Variants in HYDIN observed in about 807,000 individuals in gnomAD.
HYDIN encodes axonemal central pair apparatus protein HYDIN.
HYDIN carries 132 observed loss-of-function variants against 403.9 expected under a neutral mutation model. The ratio of observed to expected loss-of-function variants is 0.33; its 90% confidence interval spans 0.28 to 0.38. HYDIN has a LOEUF of 0.38. Among genes scored for constraint, HYDIN ranks in the 10% least tolerant of loss-of-function variants. The pLI is 1.00. For missense variants in HYDIN, 2,827 were observed against 5,009.5 expected (o/e 0.56, Z 13.15); for synonymous variants, 1,202 against 1,891.7 (o/e 0.64, Z 9.46).
At chr16:70,976,248 A>G (rs2078884170) in intron 30 of HYDIN, among the ~76,000 whole-genome samples, 1 of 152,260 alleles carries the variant, frequency 6.6e-6, no homozygotes, top group African/African-American at 2.4e-5. Flanking sequence ...GCTCTATAGG[A>G]GGGGCAGACT....
chr16:71,081,453 C>G (rs1388129730), intron 12 of HYDIN, among the ~76,000 whole-genome samples: 3 of 151,560 alleles, frequency 2.0e-5, no homozygotes, highest in African/African-American at 4.9e-5. Flanking sequence ...ACAAACAGGC[C>G]GACAGGCTAT....
chr16:71,043,191 GA>G (rs1279993597), intron 18 of HYDIN, among the ~76,000 whole-genome samples: 1 of 150,524 alleles, frequency 6.6e-6, no homozygotes, highest in African/African-American at 2.4e-5. Context: ...TTTTGACCAT[GA>G]TTTTTTTTTA....
chr16:70,961,887 A>T, intron 38 of HYDIN, 72 bp downstream of exon 38: 3 of 996,084 alleles, frequency 3.0e-6, no homozygotes, highest in Non-Finnish European at 4.4e-6. Flanking sequence ...AGAAAGTGAC[A>T]AGGTACTGAA....
chr16:70,961,991 TC>T lies in HYDIN; in HGVS notation c.5935del (p.Asp1979MetfsTer34). The T allele has an allele frequency of 7.9e-7, 1 of 1,270,750 alleles. No homozygotes were observed. Among genetic ancestry groups the T allele is most frequent in the Non-Finnish European group, 1.0e-6 (1 of 957,012 alleles). The allele number at this position is 1,270,750 out of a possible 1,614,324, so 78.7% of individuals were successfully genotyped here. A position where few individuals can be genotyped will look rare whatever the true frequency, so the allele number is the denominator to read the frequency against. ...ESKTYLEEEE[D>X]EESLEKIIFQ... Reference sequence around the variant, plus strand: ...AATGATTTTTTCCAGGCTTTCCTCATCCTCCTCTTCCTCTAGGTAGGTTTTG... The same window carrying T: ...AATGATTTTTTCCAGGCTTTCCTCATCTCCTCTTCCTCTAGGTAGGTTTTG... On this transcript the variant is annotated frameshift_variant, in exon 38 of 86. Coordinates refer to ENST00000393567, the MANE Select transcript of HYDIN (RefSeq NM_001270974.2). LOFTEE classifies it high-confidence loss of function.
Position 70,813,242 on chromosome 16 carries a change from C to T in HYDIN, c.14659-3235G>A, listed in dbSNP as rs56098959. ...CTGGGATTACAGGTGTGAGCCACCG[C>T]GCCCGGCCTGTGGCTTCTATTCTTG... On this transcript the variant is annotated intron_variant, in intron 84 of 85. Transcript: ENST00000393567. Among the ~76,000 whole-genome samples the T allele has an allele frequency of 9.3e-4, 140 of 151,334 alleles. 1 individual carries two copies. The highest frequency in any genetic ancestry group is 3.1e-3 in the African/African-American group (127 of 41,336).
chr16:70,862,259 G>A lies in HYDIN; in HGVS notation c.11570-4C>T, dbSNP rs1419466737. On this transcript the variant is annotated splice_polypyrimidine_tract_variant and splice_region_variant and intron_variant, in intron 68 of 85. Coordinates refer to ENST00000393567, the MANE Select transcript of HYDIN (RefSeq NM_001270974.2). Reference sequence around the variant, plus strand: ...AGCTGATCTTTTTGAGCTGAACCTGGGGACAGACAGGGAGTGGGTGATATT... The same window carrying A: ...AGCTGATCTTTTTGAGCTGAACCTGAGGACAGACAGGGAGTGGGTGATATT... The A allele has an allele frequency of 2.5e-6, 4 of 1,606,334 alleles. No homozygotes were observed. The Admixed American group carries it at 5.1e-5, about 20-fold the overall frequency.
chr16:71,176,645 G>A (rs575391012), intron 4 of HYDIN, among the ~76,000 whole-genome samples: 2 of 152,270 alleles, frequency 1.3e-5, no homozygotes, highest in Admixed American at 1.3e-4. Flanking sequence ...CAAAGCAAGA[G>A]CAAAGAGCAG....
intron 50 of HYDIN, among the ~76,000 whole-genome samples, chr16:70,906,872 T>C (rs975454809): frequency 1.6e-4 from 25 of 152,208 alleles, no homozygotes; most frequent in African/African-American, 5.5e-4. Context: ...TCTTTTTGGT[T>C]TCCCCAATAG....
At chr16:71,181,383 GATA>G (rs1462004397) in intron 3 of HYDIN, among the ~76,000 whole-genome samples, 1 of 151,934 alleles carries the variant, frequency 6.6e-6, no homozygotes, top group Non-Finnish European at 1.5e-5. Context: ...CCACAGTAAT[GATA>G]ATGAGATATT....
At chr16:71,131,842 AT>A (rs1299201819) in intron 8 of HYDIN, 1 of 151,156 alleles carries the variant, frequency 6.6e-6, no homozygotes. Flanking sequence ...GTGCTAACCA[AT>A]ATGCACACTG....
At chr16:70,896,225 G>A (rs1159984532) in intron 53 of HYDIN, 145 bp from the exon 54 acceptor site, 1 of 643,284 alleles carries the variant, frequency 1.6e-6, no homozygotes, top group East Asian at 2.8e-5. Flanking sequence ...CAAGCATTTG[G>A]TAGGATTTGT....
chr16:70,810,691 G>A (rs772131823), intron 84 of HYDIN, among the ~76,000 whole-genome samples: 11 of 152,080 alleles, frequency 7.2e-5, no homozygotes, highest in Non-Finnish European at 1.2e-4. Context: ...TTAGCTGGGC[G>A]CAGTGGTGCG....
At chr16:70,896,170 G>T (rs1288340272) in intron 53 of HYDIN, 90 bp from the exon 54 acceptor site, 40 of 1,518,124 alleles carry the variant, frequency 2.6e-5, no homozygotes, top group Non-Finnish European at 3.4e-5. Flanking sequence ...GGATACGGCA[G>T]GGAACGTTTT....
chr16:70,905,184 C>T (rs939068292), intron 50 of HYDIN, among the ~76,000 whole-genome samples: 2 of 152,042 alleles, frequency 1.3e-5, no homozygotes, highest in African/African-American at 4.8e-5. Flanking sequence ...GAGAACACTC[C>T]GTATGAATAT....
rs1006288340 is a variant in HYDIN at position 71,141,274 on chromosome 16, C to T, written c.842-3922G>A. Among the ~76,000 whole-genome samples, 16 of 149,660 alleles carry T rather than the reference C, an allele frequency of 1.1e-4. 1 individual carries two copies. Among genetic ancestry groups the T allele is most frequent in the South Asian group, 2.1e-4 (1 of 4,746 alleles). ...AAAAAAAAAAGTATTGTTAGGACAA[C>T]TTCATAGCCATATGAAAAAACATAT... On this transcript the variant is annotated intron_variant, in intron 7 of 85. Transcript: ENST00000393567.
At chr16:71,224,021 T>C (rs2040920571) in intron 1 of HYDIN, among the ~76,000 whole-genome samples, 2 of 152,214 alleles carry the variant, frequency 1.3e-5, no homozygotes, top group Non-Finnish European at 2.9e-5. Context: ...CAATTTGCAA[T>C]TGCAAAGATA....
intron 1 of HYDIN, among the ~76,000 whole-genome samples, chr16:71,218,712 T>C (rs918009641): frequency 2.6e-5 from 4 of 152,214 alleles, no homozygotes; most frequent in African/African-American, 9.6e-5. Flanking sequence ...CAGAATCTCA[T>C]TCTGGTAGAG....
At chr16:70,906,709 A>T (rs1044661719) in intron 50 of HYDIN, among the ~76,000 whole-genome samples, 3 of 151,682 alleles carry the variant, frequency 2.0e-5, no homozygotes, top group African/African-American at 7.3e-5. Context: ...CTGACTTCTC[A>T]CTTCACTTTG....
At chr16:70,875,494 C>A (rs946694485) in intron 62 of HYDIN, among the ~76,000 whole-genome samples, 1 of 151,918 alleles carries the variant, frequency 6.6e-6, no homozygotes, top group East Asian at 1.9e-4. Context: ...GGATATGAGA[C>A]ATCAGCAGGC....
Sources: gnomAD v4.1 joint callset for allele counts (sites outside exome capture counted in the v4.1 genomes callset) on GRCh38, gnomAD v4.1.1 for gene constraint, MANE v1.5 for transcripts, NCBI Gene and HGNC (gene_info 2026-07-23, HGNC 2026-07-21) for gene names.